TAS1R1: variants seen among roughly 807,000 people sequenced by gnomAD.
TAS1R1 encodes the protein taste receptor type 1 member 1.
TAS1R1 carries 31 observed loss-of-function variants against 45.8 expected under a neutral mutation model. That is an observed-to-expected ratio of 0.68 (90% CI 0.51 to 0.91). The LOEUF (loss-of-function observed/expected upper bound fraction) is 0.91. Among genes scored for constraint, TAS1R1 ranks in the 40% least tolerant of loss-of-function variants. TAS1R1 has a pLI of 0.00. For missense variants in TAS1R1, 1,051 were observed against 1,063.9 expected, an observed-to-expected ratio of 0.99 and a Z score of 0.17; for synonymous variants, 437 against 448.4, an observed-to-expected ratio of 0.97 and a Z score of 0.32.
chr1:6,572,491 G>C (rs953512412), intron 2 of TAS1R1, among the ~76,000 whole-genome samples: 3 of 152,122 alleles, frequency 2.0e-5, no homozygotes, highest in Admixed American at 1.3e-4. Flanking sequence ...GAACTCCTGG[G>C]CTCAAGCAAT....
In TAS1R1 at chr1:6,571,228, C is replaced by T; in HGVS notation, c.498+13C>T. The T allele has an allele frequency of 1.9e-6, 3 of 1,545,962 alleles. No individual in the cohort carries two copies. The highest frequency in any genetic ancestry group is 2.6e-6 in the Non-Finnish European group (3 of 1,146,712). The stretch of plus-strand genomic sequence containing the variant: ...CCTGGTGCCCATGGTAAGCTGGAGC[C>T]TCAGACCTTTGCCCATCTCCCTTCA... On this transcript the variant is annotated intron_variant, in intron 2 of 5. Transcript: ENST00000333172.
intron 1 of TAS1R1, among the ~76,000 whole-genome samples, chr1:6,563,740 G>A (rs1158898757): frequency 1.3e-5 from 2 of 152,098 alleles, no homozygotes; most frequent in African/African-American, 2.4e-5. Context: ...GGGCAGCCAA[G>A]GGATTAGGAG....
chr1:6,572,434 A>AT (rs917960512), intron 2 of TAS1R1, among the ~76,000 whole-genome samples: 1 of 151,488 alleles, frequency 6.6e-6, no homozygotes, highest in Non-Finnish European at 1.5e-5. Flanking sequence ...TAATTTTTGT[A>AT]TTTTTTGTAG....
At chr1:6,569,729 C>T (rs749159355) in intron 1 of TAS1R1, among the ~76,000 whole-genome samples, 4 of 152,080 alleles carry the variant, frequency 2.6e-5, no homozygotes, top group East Asian at 3.9e-4. Flanking sequence ...CTGAGACAGG[C>T]GTCCCTGAAA....
Position 6,555,479 on chromosome 1 carries a change from G to A in TAS1R1, c.106G>A (p.Gly36Arg), listed in dbSNP as rs200741562. 1.0e-4 allele frequency: 160 copies of A among 1,592,074 alleles called. No individual in the cohort carries two copies. The highest frequency in any genetic ancestry group is 1.6e-4 in the Admixed American group (9 of 56,870). The change falls in exon 1 of 6, where the codon GGA (glycine) becomes AGA (arginine). Residue 36 changes from glycine to arginine, a missense_variant. Physicochemically the swap from Gly to Arg is moderately radical, Grantham distance 125 (BLOSUM62 -2). Transcript: ENST00000333172. ...TESSPDFTLP[G>R]DYLLAGLFPL... ...GTCTTCTCCTGACTTCACCCTCCCC[G>A]GAGATTACCTCCTGGCAGGCCTGTT...
chr1:6,578,757 T>G lies in TAS1R1; in HGVS notation c.1699T>G (p.Ser567Ala), dbSNP rs554916126. Reference protein sequence around the residue: ...VVFLALREHTSWVLLAANTLL... With the variant: ...VVFLALREHTAWVLLAANTLL... Reference sequence around the variant, plus strand: ...GTTTTTGGCTTTGCGTGAGCACACCTCTTGGGTGCTGCTGGCAGCTAACAC... The same window carrying G: ...GTTTTTGGCTTTGCGTGAGCACACCGCTTGGGTGCTGCTGGCAGCTAACAC... The change falls in exon 6 of 6, where the codon TCT becomes GCT. Residue 567 changes from serine (S) to alanine (A), a missense_variant. Transcript: ENST00000333172. 1.5e-5 allele frequency: 25 copies of G among 1,614,130 alleles called. No individual in the cohort carries two copies. The South Asian group carries it at 2.7e-4, about 18-fold the overall frequency.
At chr1:6,578,026 AGC>A (rs1640230439) in intron 5 of TAS1R1, among the ~76,000 whole-genome samples, 2 of 152,214 alleles carry the variant, frequency 1.3e-5, no homozygotes, top group African/African-American at 4.8e-5. Flanking sequence ...TGCCAAAGAC[AGC>A]TAGCTCCTTG....
chr1:6,575,852 C>T (rs1358986828), intron 3 of TAS1R1, among the ~76,000 whole-genome samples: 1 of 152,112 alleles, frequency 6.6e-6, no homozygotes, highest in African/African-American at 2.4e-5. Flanking sequence ...GCCACCACGC[C>T]CAGCTAATTT....
chr1:6,578,549 T>G lies in TAS1R1; in HGVS notation c.1595-104T>G, dbSNP rs1481152714. On this transcript the variant is annotated intron_variant, in intron 5 of 5. Coordinates refer to ENST00000333172, the MANE Select transcript of TAS1R1 (RefSeq NM_138697.4). The stretch of plus-strand genomic sequence containing the variant: ...CCCCATCCCACTATGCCTAGTATAG[T>G]CTAGCTGCCCTGGTACAATTCTCCC... 1.2e-5 allele frequency: 18 copies of G among 1,501,712 alleles called. 1 individual carries two copies. The South Asian group carries it at 1.4e-4, about 12-fold the overall frequency. 93.0% of individuals were successfully genotyped at this position (1,501,712 alleles called of 1,614,324 possible).
At chr1:6,570,661 C>A (rs1344306120) in intron 1 of TAS1R1, among the ~76,000 whole-genome samples, 1 of 152,308 alleles carries the variant, frequency 6.6e-6, no homozygotes, top group East Asian at 1.9e-4. Flanking sequence ...CTCTGGAAAA[C>A]ACTGACTAAT....
intron 1 of TAS1R1, among the ~76,000 whole-genome samples, 158 bp downstream of exon 1, chr1:6,555,722 A>T (rs1377110329): frequency 6.6e-6 from 1 of 152,148 alleles, no homozygotes; most frequent in Non-Finnish European, 1.5e-5. Context: ...TGCTGGCTAG[A>T]CCTTCCTAGA....
rs1639655369 is a variant in TAS1R1 at position 6,555,398 on chromosome 1, G to A, written c.25G>A (p.Val9Ile). 1 of 1,602,868 alleles carries A rather than the reference G, an allele frequency of 6.2e-7. No individual in the cohort carries two copies. Among genetic ancestry groups the A allele is most frequent in the African/African-American group, 1.3e-5 (1 of 74,788 alleles). The change falls in exon 1 of 6, where the codon GTC becomes ATC. Residue 9 changes from valine to isoleucine, a missense_variant. Val to Ile is a conservative substitution (Grantham distance 29). Coordinates refer to ENST00000333172, the MANE Select transcript of TAS1R1 (RefSeq NM_138697.4). MLLCTARL[V>I]GLQLLISCCW... ...CATGCTGCTCTGCACGGCTCGCCTG[G>A]TCGGCCTGCAGCTTCTCATTTCCTG...
rs780254289 is a variant in TAS1R1, at chr1:6,575,225, A to G, written c.1093A>G (p.Arg365Gly). The change falls in exon 3 of 6, where the codon AGA (arginine) becomes GGA (glycine). Residue 365 changes from arginine to glycine, a missense_variant. By Grantham distance (125) the Arg-to-Gly change is moderately radical. Transcript: ENST00000333172. ...GSWCSSNQLC[R>G]ECQAFMAHTM... ...CTGGTGCAGCAGCAATCAGCTCTGC[A>G]GAGAATGCCAAGCTTTCATGGCACA... The G allele has an allele frequency of 1.2e-5, 19 of 1,613,458 alleles. No homozygotes were observed. Among genetic ancestry groups the G allele is most frequent in the Non-Finnish European group, 7.6e-6 (9 of 1,179,914 alleles).
intron 1 of TAS1R1, among the ~76,000 whole-genome samples, chr1:6,558,353 A>G (rs1639723082): frequency 6.6e-6 from 1 of 152,052 alleles, no homozygotes; most frequent in Non-Finnish European, 1.5e-5. Context: ...TGCGTGTCAG[A>G]TTGTCTAGGC....
rs1294630792 is a variant in TAS1R1, at chr1:6,578,654, C to T, written c.1596C>T (p.Asp532=). 1 of 1,566,458 alleles carries T rather than the reference C, an allele frequency of 6.4e-7. No homozygotes were observed. The change falls in exon 6 of 6, where the codon GAC becomes GAT. Residue 532 remains aspartate, a splice_region_variant and synonymous_variant. Coordinates refer to ENST00000333172, the MANE Select transcript of TAS1R1 (RefSeq NM_138697.4). ...AACCTTCTTGGCCTTCCCTTTCAGA[C>T]CTCTACAGATGCCAGCCTTGTGGGA... ...CGAGTFLNKS[D]LYRCQPCGKE... is the part of the protein sequence containing the mutation.
chr1:6,565,874 AAG>A (rs1226527127), intron 1 of TAS1R1, among the ~76,000 whole-genome samples: 1 of 152,174 alleles, frequency 6.6e-6, no homozygotes, highest in Non-Finnish European at 1.5e-5. Context: ...ATTCCTAAGA[AAG>A]AGAGAATTTC....
At chr1:6,556,878 T>C (rs1639695765) in intron 1 of TAS1R1, among the ~76,000 whole-genome samples, 1 of 151,584 alleles carries the variant, frequency 6.6e-6, no homozygotes, top group Non-Finnish European at 1.5e-5. Context: ...GGTGTGGTGG[T>C]GTGCACCTGT....
chr1:6,557,702 A>T (rs1042244122), intron 1 of TAS1R1, among the ~76,000 whole-genome samples: 3 of 152,128 alleles, frequency 2.0e-5, no homozygotes, highest in African/African-American at 7.2e-5. Flanking sequence ...CTCCCACAGC[A>T]TTGGGATTCT....
intron 1 of TAS1R1, among the ~76,000 whole-genome samples, chr1:6,556,385 TTCTA>T (rs35268740): frequency 0.018 from 2,707 of 150,228 alleles, 78 homozygotes; most frequent in African/African-American, 0.062. Flanking sequence ...TTTCTTTTAT[TTCTA>T]TCTATCTATC....
Sources: gnomAD v4.1 joint callset for allele counts (sites outside exome capture counted in the v4.1 genomes callset) on GRCh38, gnomAD v4.1.1 for gene constraint, MANE v1.5 for transcripts, NCBI Gene and HGNC (gene_info 2026-07-23, HGNC 2026-07-21) for gene names.